The following ZNF90 variants were observed in gnomAD, a reference collection of about 807,000 sequenced individuals.
ZNF90 encodes the protein zinc finger protein 90, also known as zinc finger protein HTF9.
Under a neutral mutation model 12.0 loss-of-function variants are expected in ZNF90, and 11 were observed. That is an observed-to-expected ratio of 0.92 (90% CI 0.58 to 1.52). ZNF90 has a LOEUF of 1.52. ZNF90 is among the 40% of genes most tolerant of loss of function. ZNF90 has a pLI of 0.00. For synonymous variants in ZNF90, 232 were observed against 240.1 expected (o/e 0.97, Z 0.31); for missense variants, 765 against 711.5 (o/e 1.08, Z -0.86).
At chr19:20,089,774 T>C (rs1387067745) in intron 1 of ZNF90, among the ~76,000 whole-genome samples, 38 of 151,914 alleles carry the variant, frequency 2.5e-4, no homozygotes, top group African/African-American at 8.7e-4. Flanking sequence ...AGTTCGGAGG[T>C]GTAGGGAGAC....
At chr19:20,112,356 C>T (rs2089097392) in intron 3 of ZNF90, among the ~76,000 whole-genome samples, 1 of 151,376 alleles carries the variant, frequency 6.6e-6, no homozygotes, top group African/African-American at 2.4e-5. Context: ...GAGTCTTTCT[C>T]TGGCACCCAG....
intron 3 of ZNF90, chr19:20,107,087 T>A (rs2089046062): frequency 4.5e-6 from 2 of 442,272 alleles, no homozygotes; most frequent in South Asian, 3.2e-5. Context: ...TTTCCTCAGG[T>A]AACTGTGTGG....
intron 3 of ZNF90, among the ~76,000 whole-genome samples, chr19:20,107,994 G>C (rs2089054178): frequency 1.3e-5 from 2 of 151,918 alleles, no homozygotes; most frequent in East Asian, 3.9e-4. Flanking sequence ...ACATATCAGA[G>C]GGTCTAACCC....
At position 20,078,070 on chromosome 19, in the gene ZNF90, T is replaced by A; in HGVS notation, c.-63T>A. On this transcript the variant is annotated 5_prime_UTR_variant, in exon 1 of 4. Coordinates refer to ENST00000418063, the MANE Select transcript of ZNF90 (RefSeq NM_007138.2). ...GCTTCGTGTCTTCTTCTCCAGCCTC[T>A]GTGGCCCTGTGACCTGCAGGTATTG... 3 of 1,611,782 alleles carry A rather than the reference T, an allele frequency of 1.9e-6. No homozygotes were observed. Among genetic ancestry groups the A allele is most frequent in the Non-Finnish European group, 2.5e-6 (3 of 1,177,840 alleles).
intron 3 of ZNF90, among the ~76,000 whole-genome samples, chr19:20,112,871 C>T (rs1360971550): frequency 3.3e-5 from 5 of 151,846 alleles, no homozygotes; most frequent in African/African-American, 4.8e-5. Context: ...ATCTACTTGA[C>T]GGTATCCAAT....
chr19:20,086,037 ATGATC>A (rs1262632674), intron 1 of ZNF90, among the ~76,000 whole-genome samples: 4 of 152,188 alleles, frequency 2.6e-5, no homozygotes, highest in Admixed American at 2.0e-4. Flanking sequence ...CAGAAACCTG[ATGATC>A]CAAGGTAATT....
At chr19:20,079,331 G>A (rs2088803213) in intron 1 of ZNF90, among the ~76,000 whole-genome samples, 1 of 148,962 alleles carries the variant, frequency 6.7e-6, no homozygotes, top group Admixed American at 6.7e-5. Context: ...TTGAGATGGA[G>A]TTTGTCCAGG....
At position 20,119,627 on chromosome 19, in the gene ZNF90, T is replaced by G; in HGVS notation, c.*267T>G. The G allele has an allele frequency of 3.4e-6, 1 of 295,188 alleles. No homozygotes were observed. The allele number at this position is 295,188 out of a possible 1,614,324, so 18.3% of individuals were successfully genotyped here. ...CCTATAACAAGTTCTCAATTCTTTT[T>G]TTTTTTTTTTAAGAAGGAGTTTCAT... On this transcript the variant is annotated 3_prime_UTR_variant, in exon 4 of 4. Transcript: ENST00000418063.
chr19:20,097,370 G>A (rs1020226521), intron 1 of ZNF90, among the ~76,000 whole-genome samples: 2 of 152,192 alleles, frequency 1.3e-5, no homozygotes, highest in African/African-American at 4.8e-5. Context: ...GTCCCCTAAA[G>A]ATGCAGGCAG....
chr19:20,119,317 T>A lies in ZNF90; in HGVS notation c.1763T>A (p.Ile588Asn). Reference protein sequence around the residue: ...SDLNTHKRIHIGQKAYIVKNM... With the variant: ...SDLNTHKRIHNGQKAYIVKNM... Reference sequence around the variant, plus strand: ...CTTAATACACATAAGAGGATTCATATTGGACAGAAAGCCTACATAGTGAAG... The same window carrying A: ...CTTAATACACATAAGAGGATTCATAATGGACAGAAAGCCTACATAGTGAAG... The change falls in exon 4 of 4, where the codon ATT becomes AAT. Residue 588 changes from isoleucine to asparagine, a missense_variant. Physicochemically the swap from Ile to Asn is moderately radical, Grantham distance 149 (BLOSUM62 -3). Transcript: ENST00000418063. 1.9e-6 allele frequency: 3 copies of A among 1,606,968 alleles called. No individual in the cohort carries two copies. The highest frequency in any genetic ancestry group is 2.6e-6 in the Non-Finnish European group (3 of 1,176,346).
At chr19:20,094,209 C>G (rs373093686) in intron 1 of ZNF90, among the ~76,000 whole-genome samples, 1 of 152,232 alleles carries the variant, frequency 6.6e-6, no homozygotes, top group East Asian at 1.9e-4. Context: ...AACTGTAACT[C>G]AGAAATGCAT....
chr19:20,107,075 C>T, intron 3 of ZNF90: 1 of 446,768 alleles, frequency 2.2e-6, no homozygotes, highest in Non-Finnish European at 4.5e-6. Context: ...TACCAGACAG[C>T]ATTTCCTCAG....
chr19:20,118,451 C>A lies in ZNF90; in HGVS notation c.897C>A (p.Ile299=), dbSNP rs1459922070. 6.2e-7 allele frequency: 1 copy of A among 1,612,914 alleles called. No individual in the cohort carries two copies. The highest frequency in any genetic ancestry group is 8.5e-7 in the Non-Finnish European group (1 of 1,179,418). Residue 299 remains isoleucine (I), a synonymous_variant, in exon 4 of 4, where the codon ATC becomes ATA. Transcript: ENST00000418063. The part of the protein sequence containing the change: ...KCGRAFISSS[I]LYVHKISHTE... ...GCAGAGCATTTATTTCATCCTCGATCCTTTATGTACATAAGATAAGTCATA... is the reference window on the plus strand; with the variant it reads ...GCAGAGCATTTATTTCATCCTCGATACTTTATGTACATAAGATAAGTCATA...
At chr19:20,117,039 G>T (rs2089143462) in intron 3 of ZNF90, among the ~76,000 whole-genome samples, 1 of 150,126 alleles carries the variant, frequency 6.7e-6, no homozygotes, top group South Asian at 2.1e-4. Flanking sequence ...GTGTGTGTGT[G>T]TGTGTGTGAG....
chr19:20,115,087 G>GT (rs1210140094), intron 3 of ZNF90, among the ~76,000 whole-genome samples: 1 of 152,006 alleles, frequency 6.6e-6, no homozygotes. Context: ...AAATATGACA[G>GT]TTTTTGACTT....
rs782623372 is a variant in ZNF90, at chr19:20,104,304, T to A, written c.69T>A (p.Thr23=). 1 of 1,614,110 alleles carries A rather than the reference T, an allele frequency of 6.2e-7. No individual in the cohort carries two copies. The highest frequency in any genetic ancestry group is 2.2e-5 in the East Asian group (1 of 44,860). The part of the protein sequence containing the change: ...FSLEEWHCLD[T]AQQNLYRDVM... Reference sequence around the variant, plus strand: ...TGGAGGAGTGGCATTGCCTGGACACTGCACAGCAGAATTTATATAGGGATG... The same window carrying A: ...TGGAGGAGTGGCATTGCCTGGACACAGCACAGCAGAATTTATATAGGGATG... Residue 23 remains threonine (T), a synonymous_variant, in exon 2 of 4, where the codon ACT becomes ACA. Transcript: ENST00000418063.
In ZNF90 at chr19:20,119,395, T is replaced by A; in HGVS notation, c.*35T>A. ...CAACCCTTAATAAACATAAGATAAT[T>A]CATACTGGAGAGAAACCGTATAAAT... On this transcript the variant is annotated 3_prime_UTR_variant, in exon 4 of 4. Coordinates refer to ENST00000418063, the MANE Select transcript of ZNF90 (RefSeq NM_007138.2). 1.3e-6 allele frequency: 2 copies of A among 1,523,698 alleles called. No individual in the cohort carries two copies. Among genetic ancestry groups the A allele is most frequent in the Non-Finnish European group, 1.8e-6 (2 of 1,130,210 alleles). 94.4% of individuals were successfully genotyped at this position (1,523,698 alleles called of 1,614,324 possible).
rs543742875 is a variant in ZNF90 at position 20,115,031 on chromosome 19, ATTGT to A, written c.227-2747_227-2744del. On this transcript the variant is annotated intron_variant, in intron 3 of 3. Transcript: ENST00000418063. Reference sequence around the variant, plus strand: ...AGGTCCCCAGCGAATGAATCTACATATTGTTTAACATCTTTTTGAAGTTTTGACT... The same window carrying A: ...AGGTCCCCAGCGAATGAATCTACATATTAACATCTTTTTGAAGTTTTGACT... Among the ~76,000 whole-genome samples the A allele has an allele frequency of 6.1e-3, 923 of 152,230 alleles. 3 individuals carry two copies. The highest frequency in any genetic ancestry group is 0.019 in the African/African-American group (782 of 41,534).
At chr19:20,092,949 G>C (rs1372207819) in intron 1 of ZNF90, among the ~76,000 whole-genome samples, 8 of 152,132 alleles carry the variant, frequency 5.3e-5, no homozygotes, top group Non-Finnish European at 1.2e-4. Flanking sequence ...TCATGAGAAA[G>C]AGCTTGGCTG....
Sources: gnomAD v4.1 joint callset for allele counts (sites outside exome capture counted in the v4.1 genomes callset) on GRCh38, gnomAD v4.1.1 for gene constraint, MANE v1.5 for transcripts, NCBI Gene and HGNC (gene_info 2026-07-23, HGNC 2026-07-21) for gene names.